The following SLAIN2 variants were observed in gnomAD, a reference collection of about 807,000 sequenced individuals.
The protein encoded by SLAIN2 is SLAIN motif-containing protein 2.
SLAIN2 carries 31 observed loss-of-function variants against 56.6 expected under a neutral mutation model. That is an observed-to-expected ratio of 0.55 (90% confidence interval 0.41 to 0.74). SLAIN2 has a LOEUF of 0.74. Ranked by LOEUF, SLAIN2 falls within the 30% of genes least tolerant of loss-of-function variation. The pLI is 0.00. For synonymous variants in SLAIN2, 317 were observed against 284.9 expected, an observed-to-expected ratio of 1.11 and a Z score of -1.13; for missense variants, 777 against 754.2, an observed-to-expected ratio of 1.03 and a Z score of -0.35.
At chr4:48,377,716 C>G (rs1211603968) in intron 2 of SLAIN2, among the ~76,000 whole-genome samples, 180 bp from the exon 3 acceptor site, 2 of 152,060 alleles carry the variant, frequency 1.3e-5, no homozygotes, top group Admixed American at 1.3e-4. Context: ...TTTGCATACA[C>G]AGTTTAAGAT....
chr4:48,378,371 G>C (rs1577722116), intron 3 of SLAIN2, among the ~76,000 whole-genome samples: 1 of 152,086 alleles, frequency 6.6e-6, no homozygotes, highest in Admixed American at 6.6e-5. Flanking sequence ...CAGCCTACTT[G>C]GGTTGTAAAA....
chr4:48,382,151 T>C (rs1316265798), intron 4 of SLAIN2, among the ~76,000 whole-genome samples: 1 of 152,246 alleles, frequency 6.6e-6, no homozygotes, highest in African/African-American at 2.4e-5. Context: ...AGTAATTAAG[T>C]ATCCAAGAAG....
At chr4:48,385,181 A>C (rs1033470648) in intron 6 of SLAIN2, among the ~76,000 whole-genome samples, 1 of 152,244 alleles carries the variant, frequency 6.6e-6, no homozygotes, top group Non-Finnish European at 1.5e-5. Context: ...GTGTATATTA[A>C]TGTACAAGTT....
At chr4:48,342,218 C>A in intron 1 of SLAIN2, 90 bp downstream of exon 1, 1 of 1,309,642 alleles carries the variant, frequency 7.6e-7, no homozygotes, top group Non-Finnish European at 9.7e-7. Flanking sequence ...GGGCGCCTCG[C>A]TTTGTGTAGC....
At chr4:48,410,713 C>T (rs546154610) in intron 6 of SLAIN2, among the ~76,000 whole-genome samples, 1 of 152,276 alleles carries the variant, frequency 6.6e-6, no homozygotes, top group East Asian at 1.9e-4. Context: ...TTTTCAATCC[C>T]TGTGGGCAAG....
chr4:48,359,723 G>A (rs774691055), intron 1 of SLAIN2, among the ~76,000 whole-genome samples: 15 of 152,098 alleles, frequency 9.9e-5, no homozygotes, highest in Non-Finnish European at 1.9e-4. Flanking sequence ...TATATTCTTA[G>A]TTGTCTTTAA....
chr4:48,363,972 G>T (rs1384069716), intron 1 of SLAIN2, among the ~76,000 whole-genome samples: 1 of 129,464 alleles, frequency 7.7e-6, no homozygotes, highest in African/African-American at 2.8e-5. Flanking sequence ...CGGGCAGGGG[G>T]CTGACCCCCC....
intron 6 of SLAIN2, among the ~76,000 whole-genome samples, chr4:48,398,206 G>T (rs1716459208): frequency 6.6e-6 from 1 of 152,088 alleles, no homozygotes. Context: ...GTGTGAGATG[G>T]TATCTCATTG....
At chr4:48,367,377 C>A (rs1412259185) in intron 1 of SLAIN2, among the ~76,000 whole-genome samples, 1 of 152,200 alleles carries the variant, frequency 6.6e-6, no homozygotes, top group Non-Finnish European at 1.5e-5. Flanking sequence ...CCCTTTTCAT[C>A]ACTATGAATA....
chr4:48,355,132 A>AG (rs1178056743), intron 1 of SLAIN2, among the ~76,000 whole-genome samples: 1 of 152,048 alleles, frequency 6.6e-6, no homozygotes, highest in Non-Finnish European at 1.5e-5. Context: ...CGCCTGCCTC[A>AG]GCCTCCTGAA....
At position 48,420,367 on chromosome 4, in the gene SLAIN2, G is replaced by A. The variant is rs1188860028; in HGVS notation, c.1603G>A (p.Gly535Ser). 6.2e-7 allele frequency: 1 copy of A among 1,614,028 alleles called. No homozygotes were observed. Among genetic ancestry groups the A allele is most frequent in the Non-Finnish European group, 8.5e-7 (1 of 1,179,876 alleles). Reference sequence around the variant, plus strand: ...TGCAGGGACAACTGCAATGAGAAGTGGCTTGCCCAGACCCAGTGCCCCTTC... The same window carrying A: ...TGCAGGGACAACTGCAATGAGAAGTAGCTTGCCCAGACCCAGTGCCCCTTC... ...RPAGTTAMRS[G>S]LPRPSAPSAG... The change falls in exon 7 of 8, where the codon GGC (glycine) becomes AGC (serine). Residue 535 changes from glycine (G) to serine (S), a missense_variant. Coordinates refer to ENST00000264313, the MANE Select transcript of SLAIN2 (RefSeq NM_020846.2).
rs142067591 is a variant in SLAIN2, at chr4:48,354,206, T to C, written c.389+12078T>C. Among the ~76,000 whole-genome samples the C allele has an allele frequency of 1.7e-3, 259 of 152,050 alleles. 1 individual carries two copies. The highest frequency in any genetic ancestry group is 6.0e-3 in the African/African-American group (249 of 41,470). ...CAAGTATTTAGTTGTATCTTAAGAGTTGATAGAATAACAAAAAGATCCTGG... is the reference window on the plus strand; with the variant it reads ...CAAGTATTTAGTTGTATCTTAAGAGCTGATAGAATAACAAAAAGATCCTGG... On this transcript the variant is annotated intron_variant, in intron 1 of 7. Transcript: ENST00000264313.
intron 6 of SLAIN2, among the ~76,000 whole-genome samples, chr4:48,398,908 T>C (rs914665579): frequency 6.6e-6 from 1 of 152,182 alleles, no homozygotes; most frequent in Non-Finnish European, 1.5e-5. Context: ...CCTTGTAGTA[T>C]AGTTTGAAGT....
At chr4:48,348,329 A>T (rs933866039) in intron 1 of SLAIN2, among the ~76,000 whole-genome samples, 5 of 152,214 alleles carry the variant, frequency 3.3e-5, no homozygotes, top group Admixed American at 2.0e-4. Context: ...GAAGTAAAAA[A>T]GTTGAATTGG....
intron 6 of SLAIN2, among the ~76,000 whole-genome samples, chr4:48,418,990 A>G (rs1361833193): frequency 6.6e-6 from 1 of 152,058 alleles, no homozygotes; most frequent in African/African-American, 2.4e-5. Context: ...TGTTGCGTGG[A>G]TATGCTACAA....
chr4:48,341,969 GCGGGCCCGGGT>G lies in SLAIN2; in HGVS notation c.239_249del (p.Gly80GlufsTer5). 1 of 1,438,476 alleles carries G rather than the reference GCGGGCCCGGGT, an allele frequency of 7.0e-7. No individual in the cohort carries two copies. The highest frequency in any genetic ancestry group is 1.5e-5 in the South Asian group (1 of 67,810). 89.1% of individuals were successfully genotyped at this position (1,438,476 alleles called of 1,614,324 possible). On this transcript the variant is annotated frameshift_variant, in exon 1 of 8. Coordinates refer to ENST00000264313, the MANE Select transcript of SLAIN2 (RefSeq NM_020846.2). LOFTEE classifies it high-confidence loss of function. ...TTGGGCCTCAGCGCCAAGTCGGGCG[GCGGGCCCGGGT>G]CGGGCCCGAGGCGGACGAGTAGCGA... is the stretch of plus-strand genomic sequence containing the variant.
chr4:48,407,151 G>A (rs1373551014), intron 6 of SLAIN2, among the ~76,000 whole-genome samples: 1 of 151,850 alleles, frequency 6.6e-6, no homozygotes, highest in Non-Finnish European at 1.5e-5. Flanking sequence ...TTCGTTTCTT[G>A]TTTCTAATAT....
chr4:48,363,508 T>G (rs1715393843), intron 1 of SLAIN2, among the ~76,000 whole-genome samples: 1 of 54,812 alleles, frequency 1.8e-5, no homozygotes. Flanking sequence ...CACTTCCCAG[T>G]AGGGGCGGCC....
At chr4:48,352,122 C>G (rs1188619129) in intron 1 of SLAIN2, among the ~76,000 whole-genome samples, 1 of 146,456 alleles carries the variant, frequency 6.8e-6, no homozygotes. Context: ...ATGCTTTTAA[C>G]AAAATGGCAT....
Sources: gnomAD v4.1 joint callset for allele counts (sites outside exome capture counted in the v4.1 genomes callset) on GRCh38, gnomAD v4.1.1 for gene constraint, MANE v1.5 for transcripts, NCBI Gene and HGNC (gene_info 2026-07-23, HGNC 2026-07-21) for gene names.